Variants in XKR6 observed in about 807,000 individuals in gnomAD.
The protein encoded by XKR6 is XK related 6, also known as XK-related protein 6.
A neutral mutation model predicts 56.7 loss-of-function variants in XKR6; 22 were observed. The observed-to-expected ratio is 0.39, with a 90% CI of 0.28 to 0.55. The LOEUF is 0.55. Ranked by LOEUF, XKR6 falls within the 20% of genes least tolerant of loss-of-function variation. The pLI, the probability that XKR6 is intolerant of heterozygous loss-of-function variation, is 0.66. For missense variants in XKR6, 852 were observed against 889.0 expected, an observed-to-expected ratio of 0.96 and a Z score of 0.53; for synonymous variants, 524 against 387.8, an observed-to-expected ratio of 1.35 and a Z score of -4.13.
At chr8:11,038,090 C>T (rs112616329) in intron 1 of XKR6, among the ~76,000 whole-genome samples, 2,197 of 152,086 alleles carry the variant, frequency 0.014, 34 homozygotes, top group Non-Finnish European at 0.023. Flanking sequence ...AACTACCATC[C>T]CTGATCCCTG....
chr8:11,055,435 AG>A (rs1799657330), intron 1 of XKR6, among the ~76,000 whole-genome samples: 1 of 152,156 alleles, frequency 6.6e-6, no homozygotes, highest in South Asian at 2.1e-4. Context: ...CGGGGCCTTG[AG>A]GGCTCAGGGG....
chr8:11,015,482 AC>A lies in XKR6; in HGVS notation c.765-90653del, dbSNP rs555624693. 2.1e-4 allele frequency among the ~76,000 whole-genome samples: 32 copies of A among 151,170 alleles called. No homozygotes were observed. The South Asian group carries it at 6.3e-3, about 30-fold the overall frequency. ...CCACATCTGCTAGAAACCACCCCCC[AC>A]CCCCACCTCGGGGAGGGACTCTGAA... On this transcript the variant is annotated intron_variant, in intron 1 of 2. Coordinates refer to ENST00000416569, the MANE Select transcript of XKR6 (RefSeq NM_173683.4).
chr8:10,940,893 C>T (rs368312266), intron 1 of XKR6, among the ~76,000 whole-genome samples: 1 of 152,242 alleles, frequency 6.6e-6, no homozygotes, highest in Non-Finnish European at 1.5e-5. Context: ...AGGGCAGCCC[C>T]TTCCCTTCAG....
At position 10,932,346 on chromosome 8, in the gene XKR6, TTTCTAGGTATTCTAGAAA is replaced by T. The variant is rs1246962034; in HGVS notation, c.765-7534_765-7517del. On this transcript the variant is annotated intron_variant, in intron 1 of 2. Transcript: ENST00000416569. Reference sequence around the variant, plus strand: ...TCTCCACATATGACCCATAGTTCCCTTTCTAGGTATTCTAGAAATGAAGACTTATGTCCACACAAAAAT... The same window carrying T: ...TCTCCACATATGACCCATAGTTCCCTTGAAGACTTATGTCCACACAAAAAT... Among the ~76,000 whole-genome samples the T allele has an allele frequency of 3.3e-5, 5 of 152,296 alleles. No individual in the cohort carries two copies. The East Asian group carries it at 9.7e-4, about 29-fold the overall frequency.
chr8:11,001,102 T>C (rs1798228314), intron 1 of XKR6, among the ~76,000 whole-genome samples: 1 of 152,208 alleles, frequency 6.6e-6, no homozygotes, highest in South Asian at 2.1e-4. Context: ...ACTTTGCACA[T>C]GGGGAGTGAG....
At chr8:11,051,667 T>A (rs1384158789) in intron 1 of XKR6, among the ~76,000 whole-genome samples, 2 of 152,172 alleles carry the variant, frequency 1.3e-5, no homozygotes, top group South Asian at 4.1e-4. Context: ...TCTCCTTGGC[T>A]GATACTAACT....
chr8:11,142,842 G>C (rs746900135), intron 1 of XKR6, among the ~76,000 whole-genome samples: 1 of 152,210 alleles, frequency 6.6e-6, no homozygotes. Context: ...GAGCTTCAAT[G>C]AGGATGAGAA....
At chr8:10,908,538 G>A (rs768795158) in intron 2 of XKR6, among the ~76,000 whole-genome samples, 3 of 151,988 alleles carry the variant, frequency 2.0e-5, no homozygotes, top group East Asian at 1.9e-4. Flanking sequence ...TGCTCCAGCC[G>A]CACTTGCTAC....
intron 1 of XKR6, among the ~76,000 whole-genome samples, chr8:11,193,230 T>C (rs1803680429): frequency 6.6e-6 from 1 of 152,142 alleles, no homozygotes; most frequent in African/African-American, 2.4e-5. Context: ...AAAACAGAAA[T>C]TGCTTCCTCA....
chr8:11,028,053 C>T (rs1351698495), intron 1 of XKR6, among the ~76,000 whole-genome samples: 1 of 152,076 alleles, frequency 6.6e-6, no homozygotes, highest in African/African-American at 2.4e-5. Flanking sequence ...GATCTGTACC[C>T]ACCATTACAT....
intron 1 of XKR6, among the ~76,000 whole-genome samples, chr8:10,985,344 A>T (rs917396327): frequency 6.6e-6 from 1 of 152,176 alleles, no homozygotes; most frequent in Non-Finnish European, 1.5e-5. Flanking sequence ...TCTTGCCAGC[A>T]GGCCACCATG....
At chr8:11,196,847 T>C (rs931218678) in intron 1 of XKR6, among the ~76,000 whole-genome samples, 2 of 152,122 alleles carry the variant, frequency 1.3e-5, no homozygotes, top group African/African-American at 2.4e-5. Flanking sequence ...TCTTGTAAAA[T>C]AGTCAACATG....
intron 1 of XKR6, among the ~76,000 whole-genome samples, chr8:11,038,823 G>A (rs1215550579): frequency 6.6e-6 from 1 of 152,094 alleles, no homozygotes; most frequent in African/African-American, 2.4e-5. Flanking sequence ...TTACAGGCAT[G>A]AGCCACCGCG....
In XKR6 at chr8:10,985,689, C is replaced by A. The variant is rs536703703; in HGVS notation, c.765-60859G>T. ...ACCTCTCATAAAACTTTCCCACAGC[C>A]TTGAGATCATGAATTGTAACCACTA... is the stretch of plus-strand genomic sequence containing the variant. On this transcript the variant is annotated intron_variant, in intron 1 of 2. Transcript: ENST00000416569. Among the ~76,000 whole-genome samples the A allele has an allele frequency of 7.9e-5, 12 of 152,198 alleles. No homozygotes were observed. In the South Asian group the frequency reaches 1.9e-3, roughly 24 times the overall value.
intron 1 of XKR6, among the ~76,000 whole-genome samples, chr8:11,133,440 A>T (rs1386608111): frequency 1.3e-5 from 2 of 152,090 alleles, no homozygotes; most frequent in African/African-American, 2.4e-5. Flanking sequence ...CCTCCTGGAG[A>T]GAGGGCAAAA....
intron 1 of XKR6, among the ~76,000 whole-genome samples, chr8:11,164,478 C>T (rs973959587): frequency 6.6e-6 from 1 of 151,822 alleles, no homozygotes; most frequent in South Asian, 2.1e-4. Flanking sequence ...ATAAAAGATC[C>T]GAAAGGGAAA....
chr8:11,021,381 G>A (rs1009297702), intron 1 of XKR6, among the ~76,000 whole-genome samples: 5 of 152,196 alleles, frequency 3.3e-5, no homozygotes, highest in Non-Finnish European at 5.9e-5. Flanking sequence ...GATTCCATAA[G>A]TTCCATCGGA....
At chr8:10,996,669 T>A (rs1329314006) in intron 1 of XKR6, among the ~76,000 whole-genome samples, 2 of 152,146 alleles carry the variant, frequency 1.3e-5, no homozygotes, top group East Asian at 3.9e-4. Flanking sequence ...GGGTGAAGAC[T>A]GTTCTGGTCC....
chr8:11,139,872 A>G (rs998176199), intron 1 of XKR6, among the ~76,000 whole-genome samples: 7 of 152,178 alleles, frequency 4.6e-5, no homozygotes, highest in Non-Finnish European at 1.0e-4. Flanking sequence ...AAGCAGCAAA[A>G]TCCCCACAGA....
Sources: allele counts gnomAD v4.1 joint callset (sites outside exome capture counted in the v4.1 genomes callset), GRCh38; gene constraint gnomAD v4.1.1; transcripts MANE v1.5; gene names NCBI Gene and HGNC (gene_info 2026-07-23, HGNC 2026-07-21).